IVNS1ABP: variants seen among roughly 807,000 people sequenced by gnomAD.
IVNS1ABP encodes influenza virus NS1A binding protein, also known as influenza virus NS1A-binding protein.
Under a neutral mutation model 78.9 loss-of-function variants are expected in IVNS1ABP, and 25 were observed. The observed-to-expected ratio is 0.32, with a 90% CI of 0.23 to 0.44. The LOEUF (loss-of-function observed/expected upper bound fraction) is 0.44, where lower values mean the gene tolerates loss of function less well. IVNS1ABP is among the 20% of genes least tolerant of loss of function. The pLI is 1.00. For missense variants in IVNS1ABP, 494 were observed against 768.9 expected (o/e 0.64, Z 4.23); for synonymous variants, 241 against 259.7 (o/e 0.93, Z 0.69).
chr1:185,300,887 G>T, intron 10 of IVNS1ABP, 85 bp downstream of exon 10: 2 of 978,212 alleles, frequency 2.0e-6, no homozygotes, highest in Non-Finnish European at 3.2e-6. Context: ...GTGAAAGATG[G>T]CATATTAAAC....
chr1:185,313,975 G>T (rs1043399895), intron 1 of IVNS1ABP, among the ~76,000 whole-genome samples: 4 of 152,136 alleles, frequency 2.6e-5, no homozygotes, highest in Non-Finnish European at 5.9e-5. Context: ...AATTCAACAG[G>T]TCTTATCAAA....
chr1:185,306,561 T>G, intron 7 of IVNS1ABP: 2 of 1,284,282 alleles, frequency 1.6e-6, no homozygotes, highest in South Asian at 2.5e-5. Context: ...CTTCTTTACG[T>G]GTCAATACAC....
At chr1:185,303,644 T>C (rs1665657947) in intron 8 of IVNS1ABP, among the ~76,000 whole-genome samples, 1 of 152,062 alleles carries the variant, frequency 6.6e-6, no homozygotes, top group Admixed American at 6.6e-5. Flanking sequence ...TATATAGACA[T>C]AAATAAAAAA....
chr1:185,299,833 C>T lies in IVNS1ABP; in HGVS notation c.1552G>A (p.Gly518Arg), dbSNP rs1665521639. ...AGACAATTCCAAGATTCTGCACCTC[C>T]GATTATGTACAAATAACCACCAAGC... Reference protein sequence around the residue: ...CELGGYLYIIGGAESWNCLNT... With the variant: ...CELGGYLYIIRGAESWNCLNT... The change falls in exon 14 of 15, where the codon GGA (glycine) becomes AGA (arginine). Residue 518 changes from glycine to arginine, a missense_variant. Coordinates refer to ENST00000367498, the MANE Select transcript of IVNS1ABP (RefSeq NM_006469.5). 1 of 1,613,660 alleles carries T rather than the reference C, an allele frequency of 6.2e-7. No individual in the cohort carries two copies. Among genetic ancestry groups the T allele is most frequent in the Non-Finnish European group, 8.5e-7 (1 of 1,179,776 alleles).
Position 185,305,784 on chromosome 1 carries a change from G to T in IVNS1ABP, c.658-141C>A. 2.3e-6 allele frequency: 2 copies of T among 866,538 alleles called. No homozygotes were observed. The highest frequency in any genetic ancestry group is 3.2e-6 in the Non-Finnish European group (2 of 621,366). 53.7% of individuals were successfully genotyped at this position (866,538 alleles called of 1,614,324 possible). On this transcript the variant is annotated intron_variant, in intron 7 of 14. Transcript: ENST00000367498. This position sits in a 1 kb window ranked among gnomAD's most constrained non-coding sequence, Gnocchi z 4.0. ...CATATTACTCTGGCAGGATCCGGAGGTAAAGAAAAATACATGTCATGGTGG... is the reference window on the plus strand; with the variant it reads ...CATATTACTCTGGCAGGATCCGGAGTTAAAGAAAAATACATGTCATGGTGG...
Position 185,305,417 on chromosome 1 carries a change from TGTCCA to T in IVNS1ABP, c.765+114_765+118del. On this transcript the variant is annotated intron_variant, in intron 8 of 14. Coordinates refer to ENST00000367498, the MANE Select transcript of IVNS1ABP (RefSeq NM_006469.5). This position sits in a 1 kb window ranked among gnomAD's most constrained non-coding sequence, Gnocchi z 4.0. ...GCTTGTTTTCTCCCAAAAATGTTTCTGTCCAGTTATACCAATGAAATTGGTCCACT... is the reference window on the plus strand; with the variant it reads ...GCTTGTTTTCTCCCAAAAATGTTTCTGTTATACCAATGAAATTGGTCCACT... The T allele has an allele frequency of 7.8e-6, 8 of 1,025,072 alleles. No homozygotes were observed. The highest frequency in any genetic ancestry group is 1.1e-5 in the Non-Finnish European group (8 of 710,302). The allele number at this position is 1,025,072 out of a possible 1,614,324, so 63.5% of individuals were successfully genotyped here. A position where few individuals can be genotyped will look rare whatever the true frequency, so the allele number is the denominator to read the frequency against.
Position 185,305,908 on chromosome 1 carries a change from CATTT to C in IVNS1ABP, c.658-269_658-266del. 1 of 385,618 alleles carries C rather than the reference CATTT, an allele frequency of 2.6e-6. No individual in the cohort carries two copies. Among genetic ancestry groups the C allele is most frequent in the Non-Finnish European group, 4.8e-6 (1 of 208,218 alleles). The allele number at this position is 385,618 out of a possible 1,614,324, so 23.9% of individuals were successfully genotyped here. ...GCTTGATTGGCTTGAAAGAAATCTTCATTTTTTTCATAGCTTCTATCATATAACA... is the reference window on the plus strand; with the variant it reads ...GCTTGATTGGCTTGAAAGAAATCTTCTTTTCATAGCTTCTATCATATAACA... On this transcript the variant is annotated intron_variant, in intron 7 of 14. Coordinates refer to ENST00000367498, the MANE Select transcript of IVNS1ABP (RefSeq NM_006469.5). The surrounding 1 kb of genome is among the most constrained non-coding windows in gnomAD (Gnocchi z 4.0).
At position 185,316,939 on chromosome 1, in the gene IVNS1ABP, C is replaced by T. The variant is rs766090698; in HGVS notation, c.-247+14G>A. ...TCTCCCTCATCTGTCGTTCGTAGAA[C>T]CAGCGCGTATTACCTGGTTCATCTC... On this transcript the variant is annotated intron_variant, in intron 1 of 14. Coordinates refer to ENST00000367498, the MANE Select transcript of IVNS1ABP (RefSeq NM_006469.5). 1.3e-3 allele frequency: 537 copies of T among 398,464 alleles called. No homozygotes were observed. The highest frequency in any genetic ancestry group is 1.5e-3 in the Non-Finnish European group (340 of 226,022). The allele number at this position is 398,464 out of a possible 1,614,324, so 24.7% of individuals were successfully genotyped here.
chr1:185,311,490 A>T (rs774926578), intron 1 of IVNS1ABP, among the ~76,000 whole-genome samples, 168 bp from the exon 2 acceptor site: 9 of 152,046 alleles, frequency 5.9e-5, no homozygotes, highest in Non-Finnish European at 1.2e-4. Context: ...TTCCACATAA[A>T]CATTTTTCAT....
intron 1 of IVNS1ABP, among the ~76,000 whole-genome samples, chr1:185,316,165 T>C (rs1360073781): frequency 6.6e-6 from 1 of 152,138 alleles, no homozygotes; most frequent in East Asian, 1.9e-4. Context: ...ATTTCTTTCA[T>C]AAAAAAGAAA....
chr1:185,315,848 C>T (rs1287912713), intron 1 of IVNS1ABP, among the ~76,000 whole-genome samples: 1 of 152,184 alleles, frequency 6.6e-6, no homozygotes, highest in African/African-American at 2.4e-5. Flanking sequence ...TATTAGTAGA[C>T]AGAAGACCAC....
At chr1:185,307,412 A>C in intron 6 of IVNS1ABP, 77 bp downstream of exon 6, 5 of 1,117,114 alleles carry the variant, frequency 4.5e-6, no homozygotes, top group Non-Finnish European at 6.5e-6. Context: ...ATCATTACTC[A>C]CTTGCTTGAA....
intron 8 of IVNS1ABP, among the ~76,000 whole-genome samples, chr1:185,302,190 A>G (rs1047714240): frequency 4.6e-5 from 7 of 152,166 alleles, no homozygotes; most frequent in African/African-American, 7.2e-5. Flanking sequence ...ATCAGAAATG[A>G]AACATTACTA....
In IVNS1ABP at chr1:185,298,296, A is replaced by G. The variant is rs781296487; in HGVS notation, c.1676-8T>C. The stretch of plus-strand genomic sequence containing the variant: ...CACATACAAACAGTTTTCCTAAAAG[A>G]GAAATGAGATGGGGTAAATCCAGAG... On this transcript the variant is annotated splice_region_variant and splice_polypyrimidine_tract_variant and intron_variant, in intron 14 of 14. Transcript: ENST00000367498. The surrounding 1 kb of genome is among the most constrained non-coding windows in gnomAD (Gnocchi z 4.1). 1.2e-6 allele frequency: 2 copies of G among 1,611,510 alleles called. No individual in the cohort carries two copies. Among genetic ancestry groups the G allele is most frequent in the South Asian group, 2.2e-5 (2 of 90,968 alleles).
chr1:185,307,244 T>C, intron 6 of IVNS1ABP, 105 bp from the exon 7 acceptor site: 2 of 1,346,242 alleles, frequency 1.5e-6, no homozygotes, highest in Non-Finnish European at 2.1e-6. Flanking sequence ...ATTCATTCCA[T>C]ACATTTACTC....
intron 8 of IVNS1ABP, among the ~76,000 whole-genome samples, chr1:185,302,810 T>C (rs1047857378): frequency 3.9e-5 from 6 of 152,072 alleles, no homozygotes; most frequent in Non-Finnish European, 7.4e-5. Context: ...ACCCATTTTA[T>C]AGATAAAAAT....
rs1335160887 is a variant in IVNS1ABP, at chr1:185,305,456, T to C, written c.765+80A>G. 2 of 1,510,906 alleles carry C rather than the reference T, an allele frequency of 1.3e-6. No homozygotes were observed. The allele number at this position is 1,510,906 out of a possible 1,614,324, so 93.6% of individuals were successfully genotyped here. On this transcript the variant is annotated intron_variant, in intron 8 of 14. Coordinates refer to ENST00000367498, the MANE Select transcript of IVNS1ABP (RefSeq NM_006469.5). The surrounding 1 kb of genome is among the most constrained non-coding windows in gnomAD (Gnocchi z 4.0). ...AATGAAATTGGTCCACTTTCCTTTA[T>C]TAAAGGAAAATTTAAGTATGCTATC...
Position 185,298,086 on chromosome 1 carries a change from A to G in IVNS1ABP, c.1878T>C (p.Tyr626=), listed in dbSNP as rs747230048. The part of the protein sequence containing the change: ...GNEFLNTVEV[Y]NLESNEWSPY... ...GGCTCCATTCATTTGACTCAAGGTTATAGACTTCCACCGTATTCAGAAATT... is the reference window on the plus strand; with the variant it reads ...GGCTCCATTCATTTGACTCAAGGTTGTAGACTTCCACCGTATTCAGAAATT... Residue 626 remains tyrosine (Y), a synonymous_variant, in exon 15 of 15, where the codon TAT becomes TAC. Coordinates refer to ENST00000367498, the MANE Select transcript of IVNS1ABP (RefSeq NM_006469.5). The surrounding 1 kb of genome is among the most constrained non-coding windows in gnomAD (Gnocchi z 4.1). 3.1e-6 allele frequency: 5 copies of G among 1,613,608 alleles called. No individual in the cohort carries two copies. Among genetic ancestry groups the G allele is most frequent in the Non-Finnish European group, 4.2e-6 (5 of 1,179,766 alleles).
At chr1:185,316,455 C>A (rs1014341794) in intron 1 of IVNS1ABP, among the ~76,000 whole-genome samples, 1 of 152,134 alleles carries the variant, frequency 6.6e-6, no homozygotes, top group African/African-American at 2.4e-5. Flanking sequence ...GCTGGCTGCC[C>A]GCCCACACGA....
Sources: allele counts gnomAD v4.1 joint callset (sites outside exome capture counted in the v4.1 genomes callset), GRCh38; gene constraint gnomAD v4.1.1; non-coding constraint Gnocchi (gnomAD v3.1); transcripts MANE v1.5; gene names NCBI Gene and HGNC (gene_info 2026-07-23, HGNC 2026-07-21).